Variants in MBNL2 observed in about 807,000 individuals in gnomAD.
MBNL2 encodes the protein muscleblind like splicing regulator 2.
Under a neutral mutation model 41.9 loss-of-function variants are expected in MBNL2, and 17 were observed. The ratio of observed to expected loss-of-function variants is 0.41; its 90% CI spans 0.28 to 0.61. The LOEUF (loss-of-function observed/expected upper bound fraction) is 0.61. Ranked by LOEUF, MBNL2 falls within the 20% of genes least tolerant of loss-of-function variation. The probability of loss-of-function intolerance (pLI) is 0.35; values close to 1 mark genes in which losing one functional copy is unlikely to be tolerated. For missense variants in MBNL2, 336 were observed against 505.6 expected (o/e 0.66, Z 3.22); for synonymous variants, 195 against 182.9 (o/e 1.07, Z -0.53).
the MBNL2 span, among the ~76,000 whole-genome samples, chr13:97,159,413 T>C: frequency 6.6e-6 from 1 of 151,972 alleles, no homozygotes; most frequent in Non-Finnish European, 1.5e-5. Context: ...GTTAATAGTG[T>C]TATGTGTGAA....
the MBNL2 span, among the ~76,000 whole-genome samples, chr13:97,146,875 C>T: frequency 6.6e-6 from 1 of 152,198 alleles, no homozygotes; most frequent in Admixed American, 6.5e-5. Context: ...AAAAACCATA[C>T]TGCCATCCCT....
At chr13:97,345,040 C>T (rs535716753) in intron 4 of MBNL2, among the ~76,000 whole-genome samples, 3 of 141,034 alleles carry the variant, frequency 2.1e-5, no homozygotes, top group Admixed American at 7.2e-5. Context: ...ATTTATTTTG[C>T]GCATTTTATG....
chr13:97,365,202 A>G (rs200401875), intron 8 of MBNL2, 31 bp downstream of exon 8: 93 of 1,466,232 alleles, frequency 6.3e-5, no homozygotes, highest in Non-Finnish European at 8.4e-5. Flanking sequence ...TTTGTCTTTT[A>G]TATGATGTAC....
At chr13:97,185,363 C>A in the MBNL2 span, among the ~76,000 whole-genome samples, 1 of 152,196 alleles carries the variant, frequency 6.6e-6, no homozygotes, top group African/African-American at 2.4e-5. Flanking sequence ...CCTTTACATT[C>A]CTCCAGGAGG....
the MBNL2 span, among the ~76,000 whole-genome samples, chr13:97,214,574 C>T: frequency 6.6e-6 from 1 of 152,176 alleles, no homozygotes; most frequent in Non-Finnish European, 1.5e-5. Flanking sequence ...CATGTTCAGC[C>T]TGGCCCCTCA....
the MBNL2 span, among the ~76,000 whole-genome samples, chr13:97,196,567 C>G: frequency 6.6e-6 from 1 of 152,232 alleles, no homozygotes; most frequent in African/African-American, 2.4e-5. Context: ...GGAAGTGTTA[C>G]TGGAGCCATG....
the MBNL2 span, among the ~76,000 whole-genome samples, chr13:97,189,764 C>T: frequency 8.9e-3 from 1,358 of 152,236 alleles, 19 homozygotes; most frequent in African/African-American, 0.031. Flanking sequence ...GTACAGAACT[C>T]GCGGTACACA....
chr13:97,292,370 G>C (rs2056297723), intron 2 of MBNL2, among the ~76,000 whole-genome samples: 1 of 152,096 alleles, frequency 6.6e-6, no homozygotes, highest in Non-Finnish European at 1.5e-5. Context: ...CCAAAGCTTG[G>C]GGAGAACTCG....
In MBNL2 at chr13:97,384,948, G is replaced by C. The variant is rs75948741; in HGVS notation, c.1049-6374G>C. 3.6e-3 allele frequency among the ~76,000 whole-genome samples: 555 copies of C among 152,160 alleles called. 1 individual carries two copies. Among genetic ancestry groups the C allele is most frequent in the Non-Finnish European group, 5.2e-3 (357 of 68,006 alleles). On this transcript the variant is annotated intron_variant, in intron 8 of 8. Transcript: ENST00000679496. ...CCCCTTTATCTATAATGGGGAGTAG[G>C]GAGAATGGGAGAATGGGGAGGGAAT...
intron 2 of MBNL2, among the ~76,000 whole-genome samples, chr13:97,323,127 C>T (rs1452898745): frequency 6.6e-6 from 1 of 152,188 alleles, no homozygotes; most frequent in Admixed American, 6.5e-5. Context: ...CAGGAACACA[C>T]CCACAAAATG....
At chr13:97,176,903 A>G in the MBNL2 span, among the ~76,000 whole-genome samples, 1 of 152,162 alleles carries the variant, frequency 6.6e-6, no homozygotes, top group African/African-American at 2.4e-5. Context: ...TTAAATATAA[A>G]CCAATAGTCA....
the MBNL2 span, among the ~76,000 whole-genome samples, chr13:97,142,327 C>T: frequency 3.9e-5 from 6 of 152,142 alleles, no homozygotes; most frequent in Non-Finnish European, 7.3e-5. Flanking sequence ...AATGGAACTT[C>T]GCCTGTCATA....
In MBNL2 at chr13:97,334,479, C is replaced by T. The variant is rs1309861981; in HGVS notation, c.339+39C>T. On this transcript the variant is annotated intron_variant, in intron 3 of 8. Transcript: ENST00000679496. The surrounding 1 kb of genome is among the most constrained non-coding windows in gnomAD (Gnocchi z 5.3). ...TATTCAGTGATGAGTTGGATGGTTA[C>T]AGTGTTGGTATGGATGATGCCACGT... is the stretch of plus-strand genomic sequence containing the variant. 2 of 1,533,160 alleles carry T rather than the reference C, an allele frequency of 1.3e-6. No individual in the cohort carries two copies. The highest frequency in any genetic ancestry group is 2.3e-5 in the East Asian group (1 of 43,436). The allele number at this position is 1,533,160 out of a possible 1,614,324, so 95.0% of individuals were successfully genotyped here. A position where few individuals can be genotyped will look rare whatever the true frequency, so the allele number is the denominator to read the frequency against.
At chr13:97,233,888 T>C (rs1235424304) in intron 1 of MBNL2, among the ~76,000 whole-genome samples, 1 of 152,126 alleles carries the variant, frequency 6.6e-6, no homozygotes, top group Non-Finnish European at 1.5e-5. Context: ...GAAGACACAT[T>C]AGAGTCAATG....
At chr13:97,146,096 T>C in the MBNL2 span, among the ~76,000 whole-genome samples, 13 of 152,122 alleles carry the variant, frequency 8.5e-5, no homozygotes, top group East Asian at 1.4e-3. Context: ...GATCAAGCAA[T>C]TATTCTGCCT....
intron 2 of MBNL2, among the ~76,000 whole-genome samples, chr13:97,310,724 C>T (rs2058522474): frequency 1.3e-5 from 2 of 151,926 alleles, no homozygotes. Flanking sequence ...CCACTGAGCC[C>T]GGCCTATAGC....
At chr13:97,365,023 A>T in intron 7 of MBNL2, 113 bp from the exon 8 acceptor site, 2 of 792,620 alleles carry the variant, frequency 2.5e-6, no homozygotes, top group Non-Finnish European at 4.7e-6. Flanking sequence ...TGTGTTAACT[A>T]ACCCTACTTA....
chr13:97,280,318 A>T (rs1306937689), intron 2 of MBNL2, among the ~76,000 whole-genome samples: 1 of 152,196 alleles, frequency 6.6e-6, no homozygotes, highest in Non-Finnish European at 1.5e-5. Flanking sequence ...GCTTATTAAG[A>T]CTAAAAGTGT....
intron 2 of MBNL2, among the ~76,000 whole-genome samples, chr13:97,325,663 G>A (rs937220557): frequency 2.6e-5 from 4 of 152,294 alleles, no homozygotes; most frequent in East Asian, 1.9e-4. Context: ...CCAGGAGGTC[G>A]AGACTGCAGT....
Sources: gnomAD v4.1 joint callset for allele counts (sites outside exome capture counted in the v4.1 genomes callset) on GRCh38, gnomAD v4.1.1 for gene constraint, Gnocchi (gnomAD v3.1) non-coding constraint, MANE v1.5 for transcripts, NCBI Gene and HGNC (gene_info 2026-07-23, HGNC 2026-07-21) for gene names.